PDE8B: variants seen among roughly 807,000 people sequenced by gnomAD.
PDE8B encodes the protein high affinity cAMP-specific and IBMX-insensitive 3',5'-cyclic phosphodiesterase 8B.
PDE8B carries 26 observed loss-of-function variants against 101.3 expected under a neutral mutation model. That is an observed-to-expected ratio of 0.26 (90% CI 0.19 to 0.36). The LOEUF (loss-of-function observed/expected upper bound fraction) is 0.36, where lower values mean the gene tolerates loss of function less well. Among genes scored for constraint, PDE8B ranks in the 10% least tolerant of loss-of-function variants. The pLI is 1.00. For synonymous variants in PDE8B, 424 were observed against 429.3 expected, an observed-to-expected ratio of 0.99 and a Z score of 0.15; for missense variants, 810 against 1,163.1, an observed-to-expected ratio of 0.70 and a Z score of 4.42.
the PDE8B span, among the ~76,000 whole-genome samples, chr5:77,092,896 C>A: frequency 2.0e-5 from 3 of 152,150 alleles, no homozygotes; most frequent in Non-Finnish European, 4.4e-5. Context: ...TACACTCCAG[C>A]CTGGGTGATG....
chr5:77,420,028 C>T, intron 19 of PDE8B, 141 bp downstream of exon 19: 1 of 942,110 alleles, frequency 1.1e-6, no homozygotes, highest in Non-Finnish European at 1.7e-6. Flanking sequence ...AAGGACTGGC[C>T]ACTTGTTTTC....
intron 2 of PDE8B, among the ~76,000 whole-genome samples, chr5:77,314,175 T>C (rs1009847102): frequency 6.6e-6 from 1 of 152,170 alleles, no homozygotes; most frequent in African/African-American, 2.4e-5. Context: ...TGTCTTGGCA[T>C]CTTTGTCGAA....
chr5:77,355,154 G>A (rs1416265146), intron 10 of PDE8B, among the ~76,000 whole-genome samples: 1 of 152,178 alleles, frequency 6.6e-6, no homozygotes, highest in African/African-American at 2.4e-5. Context: ...CTTAGCACAG[G>A]ACTTTAGGAT....
At chr5:77,147,607 A>G in the PDE8B span, 3 of 152,460 alleles carry the variant, frequency 2.0e-5, no homozygotes, top group Admixed American at 2.0e-4. Flanking sequence ...CTAAGTAAAT[A>G]CAATTTTTTT....
the PDE8B span, among the ~76,000 whole-genome samples, chr5:77,097,685 T>TATA: frequency 5.5e-5 from 1 of 18,112 alleles, no homozygotes; most frequent in African/African-American, 1.3e-4. Flanking sequence ...TGTGGAGATT[T>TATA]TATATATCTA....
chr5:77,415,195 T>G (rs2151125537), intron 17 of PDE8B, among the ~76,000 whole-genome samples: 1 of 152,232 alleles, frequency 6.6e-6, no homozygotes, highest in East Asian at 1.9e-4. Flanking sequence ...TACCTGCCTG[T>G]GATCACTGGT....
chr5:77,266,792 T>C (rs373640086), intron 1 of PDE8B, among the ~76,000 whole-genome samples: 5 of 152,218 alleles, frequency 3.3e-5, no homozygotes, highest in African/African-American at 1.2e-4. Context: ...TCTGCTCTTA[T>C]AATTCTTCAT....
Position 77,211,432 on chromosome 5 carries a change from G to T in PDE8B, c.339+168G>T, listed in dbSNP as rs1748375796. Among the ~76,000 whole-genome samples, 1 of 152,226 alleles carries T rather than the reference G, an allele frequency of 6.6e-6. No individual in the cohort carries two copies. The highest frequency in any genetic ancestry group is 1.5e-5 in the Non-Finnish European group (1 of 68,034). The stretch of plus-strand genomic sequence containing the variant: ...ATTTGTGGAGATGATGGGAGCCCAG[G>T]AAATGTGGTCAGAAAAAGGCCCCTG... On this transcript the variant is annotated intron_variant, in intron 1 of 21. Coordinates refer to ENST00000264917, the MANE Select transcript of PDE8B (RefSeq NM_003719.5). This position sits in a 1 kb window ranked among gnomAD's most constrained non-coding sequence, Gnocchi z 4.1.
At chr5:77,290,543 C>T in intron 1 of PDE8B, 4 of 1,482,200 alleles carry the variant, frequency 2.7e-6, no homozygotes, top group Non-Finnish European at 3.8e-6. Context: ...TTGACGATGC[C>T]TTGTGGGAGA....
At chr5:77,133,086 A>G in the PDE8B span, among the ~76,000 whole-genome samples, 2 of 152,220 alleles carry the variant, frequency 1.3e-5, no homozygotes, top group African/African-American at 4.8e-5. Flanking sequence ...TTAGATTATT[A>G]TTCAAAATAT....
the PDE8B span, among the ~76,000 whole-genome samples, chr5:77,106,711 T>C: frequency 6.6e-6 from 1 of 152,184 alleles, no homozygotes; most frequent in Non-Finnish European, 1.5e-5. Context: ...TTAACAATAC[T>C]GAATCTTCAG....
At chr5:77,210,671 C>T (rs1748057381), upstream of PDE8B, 2 of 980,614 alleles carry the variant, frequency 2.0e-6, no homozygotes, top group Middle Eastern at 1.0e-3. The surrounding 1 kb of genome is among the most constrained non-coding windows in gnomAD (Gnocchi z 4.9). Context: ...CTGGTGCGCG[C>T]GGGGCGCTGT....
chr5:77,322,059 G>A (rs1436531881), intron 2 of PDE8B, among the ~76,000 whole-genome samples: 1 of 152,176 alleles, frequency 6.6e-6, no homozygotes, highest in Non-Finnish European at 1.5e-5. Context: ...GAAGGCTTGG[G>A]TGAGGCAGGG....
intron 2 of PDE8B, among the ~76,000 whole-genome samples, chr5:77,324,009 G>A (rs566762284): frequency 9.9e-5 from 15 of 152,098 alleles, no homozygotes; most frequent in Non-Finnish European, 2.2e-4. Context: ...TAATAGTAAT[G>A]ATTGGACAAT....
At chr5:77,293,235 A>G (rs1767776775) in intron 1 of PDE8B, among the ~76,000 whole-genome samples, 1 of 152,172 alleles carries the variant, frequency 6.6e-6, no homozygotes, top group Non-Finnish European at 1.5e-5. Context: ...CTCTGCTGGA[A>G]GCATACTATT....
chr5:77,337,206 T>A (rs1778358313), intron 5 of PDE8B, 21 bp from the exon 6 acceptor site: 2 of 1,306,304 alleles, frequency 1.5e-6, no homozygotes, highest in African/African-American at 2.9e-5. Context: ...GTCTTATGTA[T>A]TGTCTTTGCT....
At chr5:77,259,359 C>T (rs79187476) in intron 1 of PDE8B, among the ~76,000 whole-genome samples, 4,530 of 152,172 alleles carry the variant, frequency 0.03, 218 homozygotes, top group African/African-American at 0.1. Flanking sequence ...AAGCTTCTCT[C>T]GCTATCTTCT....
intron 10 of PDE8B, among the ~76,000 whole-genome samples, chr5:77,383,894 T>C: frequency 6.6e-6 from 1 of 152,210 alleles, no homozygotes; most frequent in Non-Finnish European, 1.5e-5. Flanking sequence ...CCTTGTAGTA[T>C]AGTTTGAAGT....
At chr5:77,409,255 A>T (rs1409138678) in intron 14 of PDE8B, among the ~76,000 whole-genome samples, 198 bp downstream of exon 14, 1 of 152,182 alleles carries the variant, frequency 6.6e-6, no homozygotes, top group Non-Finnish European at 1.5e-5. Flanking sequence ...TTGTCTTTCC[A>T]TGAGGCTGGC....
Sources: gnomAD v4.1 joint callset for allele counts (sites outside exome capture counted in the v4.1 genomes callset) on GRCh38, gnomAD v4.1.1 for gene constraint, Gnocchi (gnomAD v3.1) non-coding constraint, MANE v1.5 for transcripts, NCBI Gene and HGNC (gene_info 2026-07-23, HGNC 2026-07-21) for gene names.